Variants in MROH2B observed in about 807,000 individuals in gnomAD.
The protein encoded by MROH2B is maestro heat-like repeat-containing protein family member 2B.
Under a neutral mutation model 208.6 loss-of-function variants are expected in MROH2B, and 177 were observed. The ratio of observed to expected loss-of-function variants is 0.85; its 90% CI spans 0.75 to 0.96. The LOEUF (loss-of-function observed/expected upper bound fraction) is 0.96. MROH2B is among the 40% of genes least tolerant of loss of function. The pLI, the probability that MROH2B is intolerant of heterozygous loss-of-function variation, is 0.00. For synonymous variants in MROH2B, 728 were observed against 659.0 expected (o/e 1.10, Z -1.60); for missense variants, 2,002 against 1,878.7 (o/e 1.07, Z -1.21).
In MROH2B at chr5:41,057,364, A is replaced by T. The variant is rs915559230; in HGVS notation, c.757-4T>A. 6.4e-7 allele frequency: 1 copy of T among 1,565,724 alleles called. No individual in the cohort carries two copies. The stretch of plus-strand genomic sequence containing the variant: ...CAGTCAGTATTTGTTTTAGGCTCTA[A>T]AGTGGAAACTCCCACAGGTTAGTTG... On this transcript the variant is annotated splice_polypyrimidine_tract_variant and splice_region_variant and intron_variant, in intron 7 of 41. Coordinates refer to ENST00000399564, the MANE Select transcript of MROH2B (RefSeq NM_173489.5).
rs554001522 is a variant in MROH2B at position 41,038,074 on chromosome 5, T to C, written c.2214+662A>G. Among the ~76,000 whole-genome samples the C allele has an allele frequency of 5.3e-5, 8 of 152,232 alleles. No individual in the cohort carries two copies. The South Asian group carries it at 1.2e-3, about 24-fold the overall frequency. On this transcript the variant is annotated intron_variant, in intron 21 of 41. Transcript: ENST00000399564. ...GGAGGGTCAGGTTGGCTGGGATGAA[T>C]GTGGAGGGGGAAACAGTGCAACACA...
Position 41,064,508 on chromosome 5 carries a change from C to T in MROH2B, c.424G>A (p.Ala142Thr). ...GTCCCCTTCATCCTTTCATCCTCGG[C>T]CAGCCTGAGCATGGTTTGCATGGTG... The part of the protein sequence containing the change: ...LLTMQTMLRL[A>T]EDERMKGTFC... Residue 142 changes from alanine (A) to threonine (T), a missense_variant, in exon 5 of 42, where the codon GCC becomes ACC. Coordinates refer to ENST00000399564, the MANE Select transcript of MROH2B (RefSeq NM_173489.5). The T allele has an allele frequency of 6.2e-7, 1 of 1,613,294 alleles. No homozygotes were observed. Among genetic ancestry groups the T allele is most frequent in the Non-Finnish European group, 8.5e-7 (1 of 1,179,544 alleles).
At position 41,039,468 on chromosome 5, in the gene MROH2B, AC is replaced by A. The variant is rs765131949; in HGVS notation, c.2040del (p.Lys680AsnfsTer4). The stretch of plus-strand genomic sequence containing the variant: ...CTTACCTTACATCGATTCATGAAAA[AC>A]TTTTCCTGATTTTGGAATGTTTTAA... ...KVLKTFQNQE[K>X]FFMNRCKSLF... On this transcript the variant is annotated frameshift_variant, in exon 20 of 42. Transcript: ENST00000399564. LOFTEE classifies it high-confidence loss of function. 5.0e-6 allele frequency: 8 copies of A among 1,597,130 alleles called. No individual in the cohort carries two copies. Among genetic ancestry groups the A allele is most frequent in the Admixed American group, 1.7e-5 (1 of 58,324 alleles).
chr5:41,031,227 C>T lies in MROH2B; in HGVS notation c.2441+1515G>A, dbSNP rs148179193. Among the ~76,000 whole-genome samples, 451 of 152,270 alleles carry T rather than the reference C, an allele frequency of 3.0e-3. 3 individuals carry two copies. Among genetic ancestry groups the T allele is most frequent in the African/African-American group, 0.01 (429 of 41,570 alleles). On this transcript the variant is annotated intron_variant, in intron 24 of 41. Transcript: ENST00000399564. ...ACTGTGGCCAAAGGCAAAGGGAAAGCAGGCACCTCTTCACAATGCAGCAGA... is the reference window on the plus strand; with the variant it reads ...ACTGTGGCCAAAGGCAAAGGGAAAGTAGGCACCTCTTCACAATGCAGCAGA...
intron 26 of MROH2B, 116 bp from the exon 27 acceptor site, chr5:41,018,546 A>C: frequency 7.0e-7 from 1 of 1,433,762 alleles, no homozygotes; most frequent in Non-Finnish European, 9.5e-7. Flanking sequence ...CCCCACAAAC[A>C]ATTTTTAAGT....
At position 41,049,082 on chromosome 5, in the gene MROH2B, T is replaced by C. The variant is rs745703260; in HGVS notation, c.1542+19A>G. 2 of 1,584,458 alleles carry C rather than the reference T, an allele frequency of 1.3e-6. No homozygotes were observed. Among genetic ancestry groups the C allele is most frequent in the Non-Finnish European group, 1.7e-6 (2 of 1,163,968 alleles). ...TCAGCTTAAATTTGTTCTACTTTGG[T>C]TCTTAGTAACTCACTCACCAGAAGT... On this transcript the variant is annotated intron_variant, in intron 15 of 41. Coordinates refer to ENST00000399564, the MANE Select transcript of MROH2B (RefSeq NM_173489.5).
At chr5:41,042,906 A>G (rs891342622) in intron 18 of MROH2B, among the ~76,000 whole-genome samples, 2 of 152,186 alleles carry the variant, frequency 1.3e-5, no homozygotes, top group African/African-American at 4.8e-5. Flanking sequence ...TGCCCAACCC[A>G]TTATTTTGAA....
At chr5:40,999,110 C>T (rs900274950) in intron 40 of MROH2B, among the ~76,000 whole-genome samples, 1 of 152,166 alleles carries the variant, frequency 6.6e-6, no homozygotes, top group Non-Finnish European at 1.5e-5. Context: ...TTGGAACAGG[C>T]TTCAAAGTAA....
chr5:41,052,126 A>G (rs540919455), intron 12 of MROH2B, among the ~76,000 whole-genome samples: 1 of 151,836 alleles, frequency 6.6e-6, no homozygotes, highest in East Asian at 1.9e-4. Context: ...GACAACCCCA[A>G]TCCAAGCTTT....
At position 41,049,123 on chromosome 5, in the gene MROH2B, T is replaced by A; in HGVS notation, c.1520A>T (p.Gln507Leu). 6.2e-7 allele frequency: 1 copy of A among 1,600,656 alleles called. No homozygotes were observed. The highest frequency in any genetic ancestry group is 8.5e-7 in the Non-Finnish European group (1 of 1,172,832). ...CACCAGAAGTCTGGCCAGTAGCTGC[T>A]GTGGTGAAGGAAGTTTCACTAGAAA... ...STGAVKLPSP[Q>L]QLLARLLVIS... The change falls in exon 15 of 42, where the codon CAG (glutamine) becomes CTG (leucine). Residue 507 changes from glutamine to leucine, a missense_variant. Physicochemically the swap from Gln to Leu is moderately radical, Grantham distance 113. Coordinates refer to ENST00000399564, the MANE Select transcript of MROH2B (RefSeq NM_173489.5).
intron 8 of MROH2B, 23 bp from the exon 9 acceptor site, chr5:41,057,201 T>C: frequency 6.2e-7 from 1 of 1,613,276 alleles, no homozygotes; most frequent in Non-Finnish European, 8.5e-7. Flanking sequence ...GGAAATCAGG[T>C]GGTAGATGTT....
rs74594394 is a variant in MROH2B at position 41,002,071 on chromosome 5, A to G, written c.4195-1238T>C. ...TAGAAACACATTTTTTAGATTTATT[A>G]GGAATAAGGTCAGGATACATTTTTT... is the stretch of plus-strand genomic sequence containing the variant. On this transcript the variant is annotated intron_variant, in intron 37 of 41. Transcript: ENST00000399564. 8.1e-3 allele frequency among the ~76,000 whole-genome samples: 1,238 copies of G among 152,294 alleles called. 11 individuals are homozygous for G. Among genetic ancestry groups the G allele is most frequent in the African/African-American group, 0.028 (1,163 of 41,564 alleles).
chr5:41,069,872 G>T, intron 1 of MROH2B, 120 bp from the exon 2 acceptor site: 1 of 708,890 alleles, frequency 1.4e-6, no homozygotes, highest in Non-Finnish European at 2.4e-6. Flanking sequence ...TCTCTCCCTT[G>T]ACTGCTAGCT....
rs909859299 is a variant in MROH2B, at chr5:41,023,406, A to C, written c.2442-4388T>G. Reference sequence around the variant, plus strand: ...ACTACATGATGAATGCACAAGTTTCAGTAGCCGATTCGATCAACTGGAAGA... The same window carrying C: ...ACTACATGATGAATGCACAAGTTTCCGTAGCCGATTCGATCAACTGGAAGA... On this transcript the variant is annotated intron_variant, in intron 24 of 41. Coordinates refer to ENST00000399564, the MANE Select transcript of MROH2B (RefSeq NM_173489.5). Among the ~76,000 whole-genome samples, 4 of 152,254 alleles carry C rather than the reference A, an allele frequency of 2.6e-5. 1 individual carries two copies. Among genetic ancestry groups the C allele is most frequent in the African/African-American group, 9.6e-5 (4 of 41,462 alleles).
At position 41,071,144 on chromosome 5, in the gene MROH2B, G is replaced by A. The variant is rs1303818381; in HGVS notation, c.-292C>T. Reference sequence around the variant, plus strand: ...AAATATTGTCCCTTTGGTGACCAGAGTATTTGGGAAAGAAGTAATTAGAGA... The same window carrying A: ...AAATATTGTCCCTTTGGTGACCAGAATATTTGGGAAAGAAGTAATTAGAGA... On this transcript the variant is annotated 5_prime_UTR_variant, in exon 1 of 42. Coordinates refer to ENST00000399564, the MANE Select transcript of MROH2B (RefSeq NM_173489.5). The A allele has an allele frequency of 2.3e-5, 8 of 347,254 alleles. No homozygotes were observed. Among genetic ancestry groups the A allele is most frequent in the Non-Finnish European group, 4.2e-5 (8 of 189,914 alleles). 21.5% of individuals were successfully genotyped at this position (347,254 alleles called of 1,614,324 possible).
intron 1 of MROH2B, 142 bp from the exon 2 acceptor site, chr5:41,069,894 G>A: frequency 1.6e-6 from 1 of 633,578 alleles, no homozygotes; most frequent in South Asian, 2.1e-5. Context: ...TTTGATGGCA[G>A]GAACTGTTTT....
chr5:41,051,995 T>A (rs1408898839), intron 12 of MROH2B, among the ~76,000 whole-genome samples: 1 of 152,128 alleles, frequency 6.6e-6, no homozygotes, highest in Non-Finnish European at 1.5e-5. Context: ...TTCATAGAAC[T>A]TACTTCACTG....
intron 11 of MROH2B, 73 bp from the exon 12 acceptor site, chr5:41,052,660 A>G (rs982718097): frequency 7.2e-7 from 1 of 1,384,540 alleles, no homozygotes; most frequent in Non-Finnish European, 9.6e-7. Flanking sequence ...ATTTTATTCT[A>G]TAATCTTAAG....
chr5:41,022,884 G>T (rs549899890), intron 24 of MROH2B, among the ~76,000 whole-genome samples: 1 of 152,270 alleles, frequency 6.6e-6, no homozygotes, highest in South Asian at 2.1e-4. Flanking sequence ...TGGCTGTTCA[G>T]CAATATTCAC....
Sources: gnomAD v4.1 joint callset for allele counts (sites outside exome capture counted in the v4.1 genomes callset) on GRCh38, gnomAD v4.1.1 for gene constraint, MANE v1.5 for transcripts, NCBI Gene and HGNC (gene_info 2026-07-23, HGNC 2026-07-21) for gene names.